HTR4: variants seen among roughly 807,000 people sequenced by gnomAD.
HTR4 encodes 5-hydroxytryptamine receptor 4.
Under a neutral mutation model 36.8 loss-of-function variants are expected in HTR4, and 16 were observed. That is an observed-to-expected ratio of 0.43 (90% CI 0.29 to 0.66). The LOEUF (loss-of-function observed/expected upper bound fraction) is 0.66. Among genes scored for constraint, HTR4 ranks in the 30% least tolerant of loss-of-function variants. HTR4 has a pLI of 0.13. For missense variants in HTR4, 438 were observed against 490.9 expected (o/e 0.89, Z 1.02); for synonymous variants, 189 against 185.1 (o/e 1.02, Z -0.17).
intron 4 of HTR4, among the ~76,000 whole-genome samples, chr5:148,544,781 C>T (rs186918075): frequency 1.3e-5 from 2 of 152,276 alleles, no homozygotes; most frequent in Non-Finnish European, 2.9e-5. Flanking sequence ...TGGGAAAATG[C>T]ATTTTGTAGT....
intron 2 of HTR4, among the ~76,000 whole-genome samples, chr5:148,609,546 T>C (rs1306432742): frequency 6.6e-6 from 1 of 152,012 alleles, no homozygotes; most frequent in Non-Finnish European, 1.5e-5. Flanking sequence ...GCCCCACTTT[T>C]GTATAATGTG....
intron 5 of HTR4, among the ~76,000 whole-genome samples, chr5:148,519,610 C>T (rs1431680241): frequency 6.6e-6 from 1 of 152,104 alleles, no homozygotes; most frequent in African/African-American, 2.4e-5. Flanking sequence ...CTCCTAAATC[C>T]CCCAAATCAA....
chr5:148,527,286 G>A (rs1292343616), intron 4 of HTR4, among the ~76,000 whole-genome samples: 2 of 152,206 alleles, frequency 1.3e-5, no homozygotes, highest in Non-Finnish European at 2.9e-5. Context: ...GGATGTGGAT[G>A]TTTAGAGGGT....
At chr5:148,540,420 A>G (rs1413749952) in intron 4 of HTR4, among the ~76,000 whole-genome samples, 61 of 132,186 alleles carry the variant, frequency 4.6e-4, no homozygotes, top group South Asian at 3.1e-3. Context: ...ATATATATAT[A>G]TATATATATA....
chr5:148,510,069 G>T, intron 5 of HTR4, 45 bp from the exon 6 acceptor site: 1 of 1,320,932 alleles, frequency 7.6e-7, no homozygotes, highest in Non-Finnish European at 1.0e-6. Context: ...GAGGTAAAAA[G>T]GAAAGAAAAA....
intron 6 of HTR4, among the ~76,000 whole-genome samples, chr5:148,505,655 G>A (rs1226081040): frequency 6.6e-6 from 1 of 152,322 alleles, no homozygotes; most frequent in Middle Eastern, 3.4e-3. Context: ...TCCTTAAGCT[G>A]ATAGGCAACT....
intron 2 of HTR4, among the ~76,000 whole-genome samples, chr5:148,570,722 G>A (rs1404275683): frequency 2.0e-5 from 3 of 152,046 alleles, no homozygotes; most frequent in Non-Finnish European, 2.9e-5. Flanking sequence ...TTCGGTGATT[G>A]TTTTAAGAAG....
intron 2 of HTR4, among the ~76,000 whole-genome samples, chr5:148,579,182 A>AACG: frequency 6.6e-6 from 1 of 152,090 alleles, no homozygotes; most frequent in East Asian, 1.9e-4. Flanking sequence ...CTTTAAGTTG[A>AACG]GCCTGGGGGC....
intron 2 of HTR4, among the ~76,000 whole-genome samples, chr5:148,552,079 G>T (rs1759723493): frequency 6.6e-6 from 1 of 152,176 alleles, no homozygotes; most frequent in Non-Finnish European, 1.5e-5. Context: ...TCTCCAGATG[G>T]AAGCAGCCTG....
intron 6 of HTR4, among the ~76,000 whole-genome samples, chr5:148,505,679 A>AG (rs1431821018): frequency 6.6e-6 from 1 of 152,228 alleles, no homozygotes; most frequent in Non-Finnish European, 1.5e-5. Flanking sequence ...GCAAAGTCTC[A>AG]GGATACAAAA....
At chr5:148,574,520 G>A (rs1241117069) in intron 2 of HTR4, among the ~76,000 whole-genome samples, 1 of 151,976 alleles carries the variant, frequency 6.6e-6, no homozygotes, top group African/African-American at 2.4e-5. Context: ...AGGGAGGTTA[G>A]AATTACTATT....
intron 2 of HTR4, among the ~76,000 whole-genome samples, chr5:148,565,509 G>A (rs986071995): frequency 6.6e-6 from 1 of 152,112 alleles, no homozygotes; most frequent in Non-Finnish European, 1.5e-5. Context: ...TTTAGAAGGT[G>A]GTAAACGAAT....
intron 2 of HTR4, among the ~76,000 whole-genome samples, chr5:148,626,780 T>TAGCCCTTTG (rs1157556975): frequency 1.3e-5 from 2 of 152,216 alleles, no homozygotes; most frequent in African/African-American, 4.8e-5. Flanking sequence ...GTCTAGAAAT[T>TAGCCCTTTG]GGGAGTCAAT....
At chr5:148,533,565 C>T (rs1396783170) in intron 4 of HTR4, among the ~76,000 whole-genome samples, 1 of 152,170 alleles carries the variant, frequency 6.6e-6, no homozygotes, top group African/African-American at 2.4e-5. Flanking sequence ...TCACTTCCTG[C>T]CCTCCCAACC....
chr5:148,545,686 G>C (rs1381357451), intron 4 of HTR4, among the ~76,000 whole-genome samples: 1 of 152,192 alleles, frequency 6.6e-6, no homozygotes, highest in Admixed American at 6.5e-5. Flanking sequence ...GCTGAGCAGA[G>C]AGCCCTGGAG....
intron 2 of HTR4, among the ~76,000 whole-genome samples, chr5:148,565,274 A>T (rs1760387839): frequency 6.6e-6 from 1 of 152,130 alleles, no homozygotes; most frequent in Non-Finnish European, 1.5e-5. Context: ...TCTAGCTCAC[A>T]ATGTAGCAAG....
At chr5:148,531,689 G>A (rs1021635106) in intron 4 of HTR4, among the ~76,000 whole-genome samples, 12 of 152,180 alleles carry the variant, frequency 7.9e-5, no homozygotes, top group African/African-American at 2.7e-4. Context: ...CTAAAGTTAA[G>A]AAAGTTTCCT....
intron 2 of HTR4, among the ~76,000 whole-genome samples, chr5:148,578,032 A>T (rs995498864): frequency 6.6e-6 from 1 of 152,072 alleles, no homozygotes; most frequent in African/African-American, 2.4e-5. Flanking sequence ...TATATGAAGT[A>T]TGTTATTTAT....
chr5:148,550,460 G>A (rs1314026612), intron 2 of HTR4, among the ~76,000 whole-genome samples, 198 bp from the exon 3 acceptor site: 2 of 152,168 alleles, frequency 1.3e-5, no homozygotes, highest in African/African-American at 4.8e-5. Flanking sequence ...TACATAAGAG[G>A]AGTATGAGGC....
Sources: gnomAD v4.1 joint callset for allele counts (sites outside exome capture counted in the v4.1 genomes callset) on GRCh38, gnomAD v4.1.1 for gene constraint, MANE v1.5 for transcripts, NCBI Gene and HGNC (gene_info 2026-07-23, HGNC 2026-07-21) for gene names.